Variants in GLRX3 observed in about 807,000 individuals in gnomAD.
The protein encoded by GLRX3 is glutaredoxin 3.
In GLRX3, 22 loss-of-function variants were observed where a neutral mutation model predicts 49.5. That is an observed-to-expected ratio of 0.44 (90% CI 0.32 to 0.63). GLRX3 has a LOEUF of 0.63. Among genes scored for constraint, GLRX3 ranks in the 30% least tolerant of loss-of-function variants. The pLI is 0.05. For missense variants in GLRX3, 385 were observed against 396.3 expected (o/e 0.97, Z 0.24); for synonymous variants, 133 against 140.0 (o/e 0.95, Z 0.35).
intron 4 of GLRX3, among the ~76,000 whole-genome samples, chr10:130,164,182 C>T (rs930028045): frequency 2.0e-5 from 3 of 152,102 alleles, no homozygotes; most frequent in African/African-American, 7.2e-5. Context: ...ATGAGCCTGA[C>T]GTGTAGATAG....
intron 6 of GLRX3, among the ~76,000 whole-genome samples, chr10:130,168,385 A>C (rs1176979739): frequency 6.6e-6 from 1 of 152,238 alleles, no homozygotes; most frequent in Non-Finnish European, 1.5e-5. Context: ...TTGGCAATGT[A>C]AGTGATACAG....
chr10:130,178,351 TTCAA>T (rs1358593117), intron 10 of GLRX3, among the ~76,000 whole-genome samples: 1 of 151,734 alleles, frequency 6.6e-6, no homozygotes, highest in African/African-American at 2.4e-5. Flanking sequence ...ACCTTCTGGG[TTCAA>T]GCAATTTTCA....
At chr10:130,141,112 AGATT>A (rs1458648476) in intron 1 of GLRX3, among the ~76,000 whole-genome samples, 23 of 152,246 alleles carry the variant, frequency 1.5e-4, no homozygotes, top group Middle Eastern at 6.8e-3. Flanking sequence ...GAATGCAGGC[AGATT>A]GATTGCTTGA....
chr10:130,159,902 C>G, intron 2 of GLRX3, 93 bp from the exon 3 acceptor site: 5 of 1,262,806 alleles, frequency 4.0e-6, no homozygotes, highest in Non-Finnish European at 5.6e-6. Flanking sequence ...ATGCCAGCTA[C>G]TTGAAGGGAT....
At chr10:130,179,683 C>G (rs534815875), downstream of GLRX3, 178 of 332,748 alleles carry the variant, frequency 5.3e-4, 1 homozygote, top group African/African-American at 3.7e-3. Flanking sequence ...CCTTAAATCT[C>G]TTTTTCTTAG....
rs1362950679 is a variant in GLRX3, at chr10:130,166,922, C to G, written c.655C>G (p.Leu219Val). Residue 219 changes from leucine to valine, a missense_variant, in exon 6 of 11, where the codon CTA becomes GTA. Around this residue, in one of 2 missense-constraint regions of GLRX3, gnomAD observed 374 missense variants for 358.6 expected, o/e 1.04. Coordinates refer to ENST00000331244, the MANE Select transcript of GLRX3 (RefSeq NM_006541.5). ...CTGGTATGTGTGCTTATTTTAGGAG[C>G]TAGAAGCATCTGAAGAACTAGATAC... is the stretch of plus-strand genomic sequence containing the variant. ...LIGGLDIIKE[L>V]EASEELDTIC... 1 of 1,583,916 alleles carries G rather than the reference C, an allele frequency of 6.3e-7. No individual in the cohort carries two copies. The highest frequency in any genetic ancestry group is 1.8e-5 in the Admixed American group (1 of 56,496).
intron 2 of GLRX3, among the ~76,000 whole-genome samples, chr10:130,146,449 C>CTCTG: frequency 6.6e-6 from 1 of 152,252 alleles, no homozygotes; most frequent in Non-Finnish European, 1.5e-5. Flanking sequence ...TTGTTTTTCA[C>CTCTG]TCTGGTTATG....
Position 130,143,470 on chromosome 10 carries a change from A to G in GLRX3, c.93-1741A>G, listed in dbSNP as rs543587022. On this transcript the variant is annotated intron_variant, in intron 1 of 10. Coordinates refer to ENST00000331244, the MANE Select transcript of GLRX3 (RefSeq NM_006541.5). ...ATCTTTGCCAAGATAATTTTGTGTG[A>G]AAACTAACTAAAATAGATACTGAGT... Among the ~76,000 whole-genome samples, 22 of 152,318 alleles carry G rather than the reference A, an allele frequency of 1.4e-4. No individual in the cohort carries two copies. In the East Asian group the frequency reaches 4.1e-3, roughly 28 times the overall value.
At position 130,136,392 on chromosome 10, in the gene GLRX3, C is replaced by T. The variant is rs1006576344; in HGVS notation, c.-29C>T. ...CCCCGCCCACATCCGGCCGCCGGCA[C>T]TGGATTGCTTCTGTCTGGCGGCGGC... On this transcript the variant is annotated 5_prime_UTR_variant, in exon 1 of 11. Coordinates refer to ENST00000331244, the MANE Select transcript of GLRX3 (RefSeq NM_006541.5). 4.0e-6 allele frequency: 5 copies of T among 1,244,854 alleles called. No homozygotes were observed. Among genetic ancestry groups the T allele is most frequent in the Admixed American group, 4.2e-5 (1 of 23,712 alleles). 77.1% of individuals were successfully genotyped at this position (1,244,854 alleles called of 1,614,324 possible).
intron 1 of GLRX3, 139 bp from the exon 2 acceptor site, chr10:130,145,072 A>G: frequency 2.1e-6 from 1 of 487,364 alleles, no homozygotes; most frequent in Middle Eastern, 5.5e-4. Context: ...TGTTGTATAC[A>G]ACAAAATTCT....
intron 2 of GLRX3, among the ~76,000 whole-genome samples, chr10:130,155,297 A>G (rs1451089542): frequency 6.6e-6 from 1 of 152,140 alleles, no homozygotes; most frequent in African/African-American, 2.4e-5. Context: ...CTTGTGGGGA[A>G]CGATAACATT....
At chr10:130,139,515 G>A (rs1171482413) in intron 1 of GLRX3, among the ~76,000 whole-genome samples, 1 of 151,926 alleles carries the variant, frequency 6.6e-6, no homozygotes, top group Non-Finnish European at 1.5e-5. Flanking sequence ...GGTGGCAGGT[G>A]CCTGTAGTCC....
intron 1 of GLRX3, among the ~76,000 whole-genome samples, chr10:130,137,742 G>T (rs7098719): frequency 0.21 from 31,566 of 152,070 alleles, 3,389 homozygotes; most frequent in Middle Eastern, 0.28. Context: ...GCTTTGTTTT[G>T]TTTTGTTTTT....
intron 1 of GLRX3, among the ~76,000 whole-genome samples, chr10:130,139,955 G>C (rs1862143129): frequency 6.6e-6 from 1 of 152,118 alleles, no homozygotes; most frequent in South Asian, 2.1e-4. Context: ...CCGAATTTTA[G>C]TACTTGTGTT....
intron 1 of GLRX3, among the ~76,000 whole-genome samples, chr10:130,143,688 G>A (rs1280306187): frequency 1.3e-5 from 2 of 151,558 alleles, no homozygotes; most frequent in Non-Finnish European, 2.9e-5. Context: ...CACCTTGCCT[G>A]GCCTAGAAAA....
At chr10:130,149,562 T>A (rs1001007619) in intron 2 of GLRX3, among the ~76,000 whole-genome samples, 27 of 152,214 alleles carry the variant, frequency 1.8e-4, no homozygotes, top group Non-Finnish European at 3.4e-4. Flanking sequence ...GTATCTTCTC[T>A]CATACTGATT....
chr10:130,143,564 T>G (rs1853739213), intron 1 of GLRX3, among the ~76,000 whole-genome samples: 1 of 152,182 alleles, frequency 6.6e-6, no homozygotes, highest in African/African-American at 2.4e-5. Flanking sequence ...GGTCTTGCTC[T>G]GTTGCCCACA....
chr10:130,160,833 C>T lies in GLRX3; in HGVS notation c.314C>T (p.Ala105Val), dbSNP rs1427311436. The T allele has an allele frequency of 5.0e-6, 8 of 1,607,886 alleles. No individual in the cohort carries two copies. The East Asian group carries it at 1.6e-4, about 31-fold the overall frequency. The change falls in exon 4 of 11, where the codon GCC becomes GTC. Residue 105 changes from alanine (A) to valine (V), a missense_variant. Coordinates refer to ENST00000331244, the MANE Select transcript of GLRX3 (RefSeq NM_006541.5). ...ATCGACCGATTAGATGGTGCACATG[C>T]CCCAGAGTTGACCAAAAAAGTTCAG... The part of the protein sequence containing the change: ...QKIDRLDGAH[A>V]PELTKKVQRH...
chr10:130,150,009 C>T (rs975759953), intron 2 of GLRX3, among the ~76,000 whole-genome samples: 2 of 149,580 alleles, frequency 1.3e-5, no homozygotes, highest in African/African-American at 4.9e-5. Context: ...GAGGCCGAGG[C>T]GGGTGGATCA....
Sources: gnomAD v4.1 joint callset for allele counts (sites outside exome capture counted in the v4.1 genomes callset) on GRCh38, gnomAD v4.1.1 for gene constraint, gnomAD v4.1.1 regional missense constraint, MANE v1.5 for transcripts, NCBI Gene and HGNC (gene_info 2026-07-23, HGNC 2026-07-21) for gene names.